Variants in CTDSPL2 observed in about 807,000 individuals in gnomAD.
CTDSPL2 encodes the protein CTD small phosphatase-like protein 2.
Under a neutral mutation model 60.0 loss-of-function variants are expected in CTDSPL2, and 5 were observed. The ratio of observed to expected loss-of-function variants is 0.08; its 90% CI spans 0.04 to 0.18. The LOEUF is 0.18. CTDSPL2 is among the 10% of genes least tolerant of loss of function. The pLI is 1.00. For synonymous variants in CTDSPL2, 186 were observed against 189.3 expected (o/e 0.98, Z 0.14); for missense variants, 370 against 548.8 (o/e 0.67, Z 3.26).
Position 44,526,425 on chromosome 15 carries a change from A to G in CTDSPL2, c.*2251A>G, listed in dbSNP as rs540630380. 6.6e-6 allele frequency: 1 copy of G among 152,252 alleles called. No homozygotes were observed. The highest frequency in any genetic ancestry group is 2.1e-4 in the South Asian group (1 of 4,828). 9.4% of individuals were successfully genotyped at this position (152,252 alleles called of 1,614,324 possible). A position where few individuals can be genotyped will look rare whatever the true frequency, so the allele number is the denominator to read the frequency against. On this transcript the variant is annotated 3_prime_UTR_variant, in exon 13 of 13. Transcript: ENST00000260327. ...TAATAAAAACCAACTTTTTAAACTA[A>G]TCATCTTTTATCAATGATAAAGTTG...
intron 12 of CTDSPL2, among the ~76,000 whole-genome samples, chr15:44,523,606 T>C (rs758434047): frequency 9.9e-5 from 15 of 151,994 alleles, no homozygotes; most frequent in Non-Finnish European, 2.1e-4. Flanking sequence ...ACCCTGTCAT[T>C]CATTCATTCA....
rs1366797975 is a variant in CTDSPL2 at position 44,527,693 on chromosome 15, A to G, written c.*3519A>G. 6.6e-6 allele frequency: 1 copy of G among 152,218 alleles called. No individual in the cohort carries two copies. The highest frequency in any genetic ancestry group is 1.5e-5 in the Non-Finnish European group (1 of 68,034). 9.4% of individuals were successfully genotyped at this position (152,218 alleles called of 1,614,324 possible). A position where few individuals can be genotyped will look rare whatever the true frequency, so the allele number is the denominator to read the frequency against. The stretch of plus-strand genomic sequence containing the variant: ...TCTTTTAATCTTGTGTATCTAAATT[A>G]ACTTAGTTAATAGTTACCCACCGAA... On this transcript the variant is annotated 3_prime_UTR_variant, in exon 13 of 13. Transcript: ENST00000260327.
chr15:44,463,956 A>G (rs917897269), intron 2 of CTDSPL2, among the ~76,000 whole-genome samples: 1 of 152,232 alleles, frequency 6.6e-6, no homozygotes, highest in Admixed American at 6.5e-5. Context: ...AACAATAATT[A>G]TAATAATAAC....
At chr15:44,456,085 C>G (rs1483152682) in intron 1 of CTDSPL2, among the ~76,000 whole-genome samples, 2 of 151,758 alleles carry the variant, frequency 1.3e-5, no homozygotes. Flanking sequence ...CTCCTGACCT[C>G]GTGATCCACC....
intron 8 of CTDSPL2, 104 bp from the exon 9 acceptor site, chr15:44,514,494 T>G: frequency 4.1e-6 from 3 of 734,354 alleles, no homozygotes; most frequent in Non-Finnish European, 7.2e-6. Flanking sequence ...CTTTAAAACA[T>G]GAACTTTTTC....
chr15:44,500,951 A>C (rs74009189), intron 8 of CTDSPL2, among the ~76,000 whole-genome samples: 1 of 152,138 alleles, frequency 6.6e-6, no homozygotes, highest in Non-Finnish European at 1.5e-5. Context: ...GGTAAGCAAA[A>C]TGTACATAAA....
chr15:44,444,302 TACACACAC>T (rs59993417), intron 1 of CTDSPL2, among the ~76,000 whole-genome samples: 139 of 136,278 alleles, frequency 1.0e-3, no homozygotes, highest in African/African-American at 1.5e-3. Flanking sequence ...GCTTTTCCCA[TACACACAC>T]ACACACACAC....
intron 1 of CTDSPL2, among the ~76,000 whole-genome samples, chr15:44,431,353 A>G (rs774331833): frequency 1.1e-4 from 16 of 152,246 alleles, no homozygotes; most frequent in Non-Finnish European, 1.9e-4. Context: ...GCCAGGAGGC[A>G]TATATCTAAG....
chr15:44,518,289 G>A (rs1299740257), intron 10 of CTDSPL2, among the ~76,000 whole-genome samples: 1 of 152,052 alleles, frequency 6.6e-6, no homozygotes, highest in Non-Finnish European at 1.5e-5. Context: ...AAAATTATAT[G>A]AAACAATTAT....
intron 1 of CTDSPL2, chr15:44,448,127 C>A (rs567542266): frequency 3.9e-5 from 10 of 256,156 alleles, no homozygotes; most frequent in African/African-American, 2.2e-4. Context: ...CCTGCAGGAA[C>A]CATGCACTCC....
chr15:44,474,559 A>G (rs182899620), intron 2 of CTDSPL2, among the ~76,000 whole-genome samples: 2 of 152,222 alleles, frequency 1.3e-5, no homozygotes, highest in East Asian at 3.9e-4. Context: ...AAACGTGGCT[A>G]TAAAGAATGC....
rs747235503 is a variant in CTDSPL2 at position 44,431,124 on chromosome 15, C to CT, written c.-25+3368dup. 7.5e-3 allele frequency among the ~76,000 whole-genome samples: 1,041 copies of CT among 139,672 alleles called. 7 individuals carry two copies. The highest frequency in any genetic ancestry group is 0.018 in the African/African-American group (691 of 38,016). 91.6% of individuals were successfully genotyped at this position (139,672 alleles called of 152,430 possible). A position where few individuals can be genotyped will look rare whatever the true frequency, so the allele number is the denominator to read the frequency against. On this transcript the variant is annotated intron_variant, in intron 1 of 12. Coordinates refer to ENST00000260327, the MANE Select transcript of CTDSPL2 (RefSeq NM_016396.3). ...GATGTGAGCCACCGCATCTGGCCCA[C>CT]TTTTTTTTTTTTTTTTAATGGAGAC... is the stretch of plus-strand genomic sequence containing the variant.
At chr15:44,509,818 TGG>T (rs1348796680) in intron 8 of CTDSPL2, among the ~76,000 whole-genome samples, 1 of 151,386 alleles carries the variant, frequency 6.6e-6, no homozygotes. Context: ...CCCAGCTACT[TGG>T]GAGGCTGAGG....
At chr15:44,460,924 AC>A (rs1319888799) in intron 2 of CTDSPL2, among the ~76,000 whole-genome samples, 1 of 152,184 alleles carries the variant, frequency 6.6e-6, no homozygotes, top group Admixed American at 6.6e-5. Flanking sequence ...ACGTATTATT[AC>A]TTCATTCTTC....
rs188924000 is a variant in CTDSPL2 at position 44,455,759 on chromosome 15, C to T, written c.-24-3232C>T. Among the ~76,000 whole-genome samples, 4 of 151,676 alleles carry T rather than the reference C, an allele frequency of 2.6e-5. 1 individual carries two copies. The highest frequency in any genetic ancestry group is 1.3e-4 in the Admixed American group (2 of 15,204). ...CGTATGTTGAACCAGCCTTGCATCC[C>T]AGGGATGAAGCTCAGTTGATCATGG... On this transcript the variant is annotated intron_variant, in intron 1 of 12. Coordinates refer to ENST00000260327, the MANE Select transcript of CTDSPL2 (RefSeq NM_016396.3).
intron 1 of CTDSPL2, among the ~76,000 whole-genome samples, chr15:44,433,649 A>G (rs1314464681): frequency 1.3e-5 from 2 of 151,674 alleles, no homozygotes; most frequent in African/African-American, 2.4e-5. Context: ...CGCCTGGCTA[A>G]TTTTTGTATT....
intron 5 of CTDSPL2, among the ~76,000 whole-genome samples, chr15:44,496,056 A>G (rs2081294753): frequency 1.3e-5 from 2 of 152,302 alleles, no homozygotes; most frequent in South Asian, 4.1e-4. Context: ...TTTTTTGGTG[A>G]TTACATGTAA....
intron 11 of CTDSPL2, chr15:44,520,757 C>T (rs1430530938): frequency 6.6e-6 from 1 of 152,040 alleles, no homozygotes. Flanking sequence ...GATTATTCAC[C>T]ATAAAATAAA....
chr15:44,475,638 CA>C (rs3041871), intron 2 of CTDSPL2, among the ~76,000 whole-genome samples: 120,093 of 134,178 alleles, frequency 0.9, 53,894 homozygotes, highest in Middle Eastern at 0.97. Flanking sequence ...GACTTCGTCT[CA>C]AAAAAAAAAA....
Sources: gnomAD v4.1 joint callset for allele counts (sites outside exome capture counted in the v4.1 genomes callset) on GRCh38, gnomAD v4.1.1 for gene constraint, MANE v1.5 for transcripts, NCBI Gene and HGNC (gene_info 2026-07-23, HGNC 2026-07-21) for gene names.